The following DTNB variants were observed in gnomAD, a reference collection of about 807,000 sequenced individuals.
DTNB encodes the protein dystrobrevin beta.
Under a neutral mutation model 90.7 loss-of-function variants are expected in DTNB, and 63 were observed. That is an observed-to-expected ratio of 0.69 (90% CI 0.57 to 0.86). The LOEUF (loss-of-function observed/expected upper bound fraction) is 0.86, where lower values mean the gene tolerates loss of function less well. DTNB is among the 40% of genes least tolerant of loss of function. The pLI is 0.00. For synonymous variants in DTNB, 277 were observed against 286.7 expected (o/e 0.97, Z 0.34); for missense variants, 744 against 807.1 (o/e 0.92, Z 0.95).
At chr2:25,406,225 G>T (rs536363586) in intron 16 of DTNB, among the ~76,000 whole-genome samples, 5 of 152,256 alleles carry the variant, frequency 3.3e-5, no homozygotes, top group Admixed American at 1.3e-4. Context: ...TGGACTCAGA[G>T]CAGGGCTTCC....
intron 10 of DTNB, among the ~76,000 whole-genome samples, chr2:25,460,902 GTTT>G (rs35276903): frequency 6.9e-6 from 1 of 145,516 alleles, no homozygotes. Context: ...AAGGTTTTTT[GTTT>G]TTTTTTTTTT....
At chr2:25,539,888 C>T (rs557916544) in intron 8 of DTNB, among the ~76,000 whole-genome samples, 3 of 152,212 alleles carry the variant, frequency 2.0e-5, no homozygotes, top group South Asian at 2.1e-4. Context: ...GAAATAATGT[C>T]TTGATAGGCA....
intron 5 of DTNB, chr2:25,596,516 G>C (rs2064674643): frequency 4.6e-6 from 1 of 215,366 alleles, no homozygotes; most frequent in African/African-American, 2.3e-5. Flanking sequence ...TTTAAAACTA[G>C]ATGATATATA....
chr2:25,457,421 C>G (rs997496845), intron 10 of DTNB, among the ~76,000 whole-genome samples: 1 of 152,104 alleles, frequency 6.6e-6, no homozygotes, highest in Non-Finnish European at 1.5e-5. Flanking sequence ...AGTCAGGATG[C>G]TAGGGTGCCC....
At chr2:25,509,328 G>C (rs1293522969) in intron 9 of DTNB, among the ~76,000 whole-genome samples, 1 of 152,166 alleles carries the variant, frequency 6.6e-6, no homozygotes, top group African/African-American at 2.4e-5. Flanking sequence ...GATTGAGAAG[G>C]TACCCTCTAT....
intron 8 of DTNB, among the ~76,000 whole-genome samples, chr2:25,534,937 G>T (rs563230954): frequency 7.1e-6 from 1 of 141,358 alleles, no homozygotes; most frequent in Non-Finnish European, 1.5e-5. Flanking sequence ...TGAAGAGCGG[G>T]TGGGCAGAGG....
chr2:25,486,943 C>T (rs1178661171), intron 9 of DTNB, among the ~76,000 whole-genome samples: 2 of 152,074 alleles, frequency 1.3e-5, no homozygotes, highest in Admixed American at 6.6e-5. Context: ...CACCATCTAT[C>T]GCTTGGTCCA....
At chr2:25,524,322 C>T (rs2076694608) in intron 9 of DTNB, among the ~76,000 whole-genome samples, 1 of 151,056 alleles carries the variant, frequency 6.6e-6, no homozygotes, top group Admixed American at 6.6e-5. Flanking sequence ...TTGAAAGGAT[C>T]CTCAAAAGTT....
At chr2:25,661,897 G>A (rs1002941282) in intron 1 of DTNB, among the ~76,000 whole-genome samples, 1 of 152,170 alleles carries the variant, frequency 6.6e-6, no homozygotes, top group Non-Finnish European at 1.5e-5. Context: ...GCTCCCACCT[G>A]TAATCCCAGT....
intron 14 of DTNB, 88 bp downstream of exon 14, chr2:25,432,798 C>A: frequency 7.4e-7 from 1 of 1,349,536 alleles, no homozygotes; most frequent in Non-Finnish European, 1.0e-6. Flanking sequence ...TACTGAACAA[C>A]AGATTCTACC....
intron 8 of DTNB, among the ~76,000 whole-genome samples, chr2:25,545,772 C>T (rs1334036447): frequency 6.6e-6 from 1 of 152,156 alleles, no homozygotes. Context: ...CAGGTGTGTG[C>T]CACCATGCCT....
rs555003135 is a variant in DTNB, at chr2:25,608,978, C to T, written c.363-1657G>A. On this transcript the variant is annotated intron_variant, in intron 4 of 20. Transcript: ENST00000406818. ...AGCTACATTCAGTGTTCTGGGGCAGCAGAGATAATGATTCTTGGGGCAGCA... is the reference window on the plus strand; with the variant it reads ...AGCTACATTCAGTGTTCTGGGGCAGTAGAGATAATGATTCTTGGGGCAGCA... Among the ~76,000 whole-genome samples the T allele has an allele frequency of 3.6e-4, 55 of 152,216 alleles. No individual in the cohort carries two copies. The South Asian group carries it at 0.011, about 30-fold the overall frequency.
At chr2:25,513,474 G>C (rs1464651029) in intron 9 of DTNB, among the ~76,000 whole-genome samples, 5 of 152,140 alleles carry the variant, frequency 3.3e-5, no homozygotes, top group Non-Finnish European at 1.5e-5. Flanking sequence ...TGTAATCCTA[G>C]CACTTTGGGA....
intron 9 of DTNB, among the ~76,000 whole-genome samples, chr2:25,494,955 G>T (rs2068479675): frequency 6.6e-6 from 1 of 151,936 alleles, no homozygotes; most frequent in African/African-American, 2.4e-5. Context: ...ACAAAAAAAT[G>T]TTCACTTACT....
intron 10 of DTNB, among the ~76,000 whole-genome samples, chr2:25,468,506 C>A (rs2062194788): frequency 6.6e-6 from 1 of 152,102 alleles, no homozygotes; most frequent in African/African-American, 2.4e-5. Flanking sequence ...GACCGAGGGC[C>A]AAAGCGCAAG....
intron 4 of DTNB, among the ~76,000 whole-genome samples, chr2:25,619,539 T>G (rs911840450): frequency 1.3e-5 from 2 of 152,242 alleles, no homozygotes; most frequent in African/African-American, 4.8e-5. Context: ...CATTTATAAA[T>G]AATCTAGCAT....
chr2:25,512,776 G>A (rs1387288505), intron 9 of DTNB, among the ~76,000 whole-genome samples: 5 of 152,172 alleles, frequency 3.3e-5, no homozygotes, highest in African/African-American at 1.2e-4. Flanking sequence ...TAGCCGGGCT[G>A]GGACATCATG....
chr2:25,622,737 A>C (rs182576211), intron 4 of DTNB, among the ~76,000 whole-genome samples: 133 of 152,296 alleles, frequency 8.7e-4, no homozygotes, highest in Middle Eastern at 3.4e-3. Context: ...ACAGGGATAC[A>C]ACTACTTAGA....
intron 8 of DTNB, among the ~76,000 whole-genome samples, chr2:25,536,837 G>A (rs1038529606): frequency 1.6e-4 from 24 of 152,132 alleles, no homozygotes; most frequent in African/African-American, 5.1e-4. Context: ...GCGCCTCCCG[G>A]GTTCAAGCAA....
Sources: allele counts gnomAD v4.1 joint callset (sites outside exome capture counted in the v4.1 genomes callset), GRCh38; gene constraint gnomAD v4.1.1; transcripts MANE v1.5; gene names NCBI Gene and HGNC (gene_info 2026-07-23, HGNC 2026-07-21).